CUL1: variants seen among roughly 807,000 people sequenced by gnomAD.
CUL1 encodes cullin 1, also known as cullin-1.
A neutral mutation model predicts 118.0 loss-of-function variants in CUL1; 24 were observed. That is an observed-to-expected ratio of 0.20 (90% CI 0.15 to 0.29). The LOEUF (loss-of-function observed/expected upper bound fraction) is 0.29, where lower values mean the gene tolerates loss of function less well. Ranked by LOEUF, CUL1 falls within the 10% of genes least tolerant of loss-of-function variation. The pLI, the probability that CUL1 is intolerant of heterozygous loss-of-function variation, is 1.00. For missense variants in CUL1, 361 were observed against 933.8 expected, an observed-to-expected ratio of 0.39 and a Z score of 7.99; for synonymous variants, 332 against 340.4, an observed-to-expected ratio of 0.98 and a Z score of 0.27.
At chr7:148,756,030 C>T (rs900797326) in intron 3 of CUL1, among the ~76,000 whole-genome samples, 1 of 152,120 alleles carries the variant, frequency 6.6e-6, no homozygotes, top group African/African-American at 2.4e-5. Flanking sequence ...GTACCATTAA[C>T]GTTTTTAAAG....
intron 1 of CUL1, among the ~76,000 whole-genome samples, chr7:148,713,670 C>T (rs1798121106): frequency 6.6e-6 from 1 of 152,064 alleles, no homozygotes; most frequent in Non-Finnish European, 1.5e-5. Flanking sequence ...CTTGTAATTA[C>T]AAAATGTGTG....
At chr7:148,747,535 A>AC (rs1799344251) in intron 2 of CUL1, among the ~76,000 whole-genome samples, 1 of 152,188 alleles carries the variant, frequency 6.6e-6, no homozygotes, top group South Asian at 2.1e-4. Flanking sequence ...CTGAGAGCTG[A>AC]CGTTTCCATG....
intron 9 of CUL1, among the ~76,000 whole-genome samples, chr7:148,776,583 C>T (rs1261896592): frequency 1.3e-5 from 2 of 152,050 alleles, no homozygotes; most frequent in South Asian, 2.1e-4. Context: ...TCCCAAAGTG[C>T]TGGGATTACA....
intron 7 of CUL1, among the ~76,000 whole-genome samples, chr7:148,763,114 T>C (rs1799889962): frequency 6.6e-6 from 1 of 151,220 alleles, no homozygotes; most frequent in Non-Finnish European, 1.5e-5. Context: ...GCCATTGCAC[T>C]CCAGCCTGGG....
intron 12 of CUL1, 56 bp downstream of exon 12, chr7:148,786,655 T>C (rs1219737587): frequency 1.1e-5 from 15 of 1,416,072 alleles, no homozygotes; most frequent in African/African-American, 1.4e-5. Context: ...ACAAGCTGTT[T>C]GTAATGTTAT....
At chr7:148,760,640 TCTC>T in intron 7 of CUL1, 144 bp downstream of exon 7, 1 of 558,386 alleles carries the variant, frequency 1.8e-6, no homozygotes, top group South Asian at 2.9e-5. Flanking sequence ...TGCAAGTGCT[TCTC>T]CTAATTCTCC....
intron 1 of CUL1, among the ~76,000 whole-genome samples, chr7:148,706,549 A>G (rs545732440): frequency 2.6e-5 from 4 of 152,154 alleles, no homozygotes; most frequent in African/African-American, 9.6e-5. Flanking sequence ...AAGGGACTCA[A>G]AACACACAAA....
chr7:148,751,488 T>C (rs574634928), intron 2 of CUL1, among the ~76,000 whole-genome samples: 23 of 146,762 alleles, frequency 1.6e-4, no homozygotes, highest in Non-Finnish European at 3.0e-4. Context: ...TGAGCCGAGA[T>C]TACATCACTG....
chr7:148,756,730 CTTT>C (rs1035562817), intron 3 of CUL1, among the ~76,000 whole-genome samples: 8 of 151,936 alleles, frequency 5.3e-5, no homozygotes, highest in African/African-American at 1.9e-4. Flanking sequence ...GTTCAGGGTA[CTTT>C]TTTTGAGTGT....
chr7:148,776,232 T>C (rs1369558090), intron 9 of CUL1, among the ~76,000 whole-genome samples: 1 of 148,550 alleles, frequency 6.7e-6, no homozygotes, highest in African/African-American at 2.5e-5. Context: ...CAGGACGCCA[T>C]GAGACGAAGA....
Position 148,789,925 on chromosome 7 carries a change from T to TGCTG in CUL1, c.1674+108_1674+111dup, listed in dbSNP as rs554798464. On this transcript the variant is annotated intron_variant, in intron 15 of 21. Coordinates refer to ENST00000325222, the MANE Select transcript of CUL1 (RefSeq NM_003592.3). ...GGGACAGGCCTGCAGATGGCCTTCCTGCTGGCTGGCTGCATCACGGTGAAC... is the reference window on the plus strand; with the variant it reads ...GGGACAGGCCTGCAGATGGCCTTCCTGCTGGCTGGCTGGCTGCATCACGGTGAAC... 1.7e-3 allele frequency: 1,871 copies of TGCTG among 1,104,260 alleles called. 6 individuals are homozygous for TGCTG. Among genetic ancestry groups the TGCTG allele is most frequent in the Non-Finnish European group, 2.2e-3 (1,601 of 727,396 alleles). 68.4% of individuals were successfully genotyped at this position (1,104,260 alleles called of 1,614,324 possible).
intron 1 of CUL1, among the ~76,000 whole-genome samples, chr7:148,722,408 A>G (rs906940799): frequency 2.0e-5 from 3 of 152,150 alleles, no homozygotes; most frequent in Admixed American, 6.5e-5. Context: ...AAACTCCTCC[A>G]TAGCCGCTTC....
rs776965272 is a variant in CUL1 at position 148,757,155 on chromosome 7, G to T, written c.483+5G>T. 5.4e-6 allele frequency: 8 copies of T among 1,484,464 alleles called. No individual in the cohort carries two copies. The South Asian group carries it at 7.4e-5, about 14-fold the overall frequency. 92.0% of individuals were successfully genotyped at this position (1,484,464 alleles called of 1,614,324 possible). ...GGAATATATGAAATCTATTCGGTAA[G>T]AGTTTTGTTTTAAAACGTTTTAAAT... is the stretch of plus-strand genomic sequence containing the variant. On this transcript the variant is annotated splice_donor_5th_base_variant and intron_variant, in intron 4 of 21. Transcript: ENST00000325222.
At chr7:148,711,408 A>G (rs181695080) in intron 1 of CUL1, among the ~76,000 whole-genome samples, 62 of 152,330 alleles carry the variant, frequency 4.1e-4, no homozygotes, top group Middle Eastern at 3.4e-3. Context: ...TGAGTGGTTC[A>G]GGGACCACGG....
At chr7:148,756,807 T>C (rs1799674618) in intron 3 of CUL1, among the ~76,000 whole-genome samples, 176 bp from the exon 4 acceptor site, 1 of 152,234 alleles carries the variant, frequency 6.6e-6, no homozygotes, top group Admixed American at 6.5e-5. Flanking sequence ...ATTATTTTAC[T>C]ATATTCTTGT....
At chr7:148,737,843 T>G (rs541781171) in intron 2 of CUL1, among the ~76,000 whole-genome samples, 3 of 152,018 alleles carry the variant, frequency 2.0e-5, no homozygotes, top group African/African-American at 7.2e-5. Flanking sequence ...AGCAATCTGT[T>G]CACCTCGGCC....
At chr7:148,716,557 C>G (rs1490578508) in intron 1 of CUL1, among the ~76,000 whole-genome samples, 1 of 152,204 alleles carries the variant, frequency 6.6e-6, no homozygotes, top group East Asian at 1.9e-4. Context: ...ACCCTTCTCC[C>G]ACACTGTTTT....
chr7:148,790,225 C>A, intron 15 of CUL1, 85 bp from the exon 16 acceptor site: 1 of 1,433,008 alleles, frequency 7.0e-7, no homozygotes, highest in Non-Finnish European at 9.8e-7. Context: ...GTACTGTAAG[C>A]TTGGAACAGT....
chr7:148,737,576 ATATTTATTTATT>A (rs200912415), intron 2 of CUL1, among the ~76,000 whole-genome samples: 171 of 127,000 alleles, frequency 1.3e-3, no homozygotes, highest in Middle Eastern at 3.8e-3. Flanking sequence ...ATATATTTTT[ATATTTATTTATT>A]TATTTATTTA....
Sources: gnomAD v4.1 joint callset for allele counts (sites outside exome capture counted in the v4.1 genomes callset) on GRCh38, gnomAD v4.1.1 for gene constraint, MANE v1.5 for transcripts, NCBI Gene and HGNC (gene_info 2026-07-23, HGNC 2026-07-21) for gene names.